The following COL18A1 variants were observed in gnomAD, a reference collection of about 807,000 sequenced individuals.
COL18A1 encodes collagen alpha-1(XVIII) chain.
COL18A1 carries 133 observed loss-of-function variants against 168.0 expected under a neutral mutation model. The observed-to-expected ratio is 0.79, with a 90% CI of 0.69 to 0.91. The LOEUF is 0.91. Ranked by LOEUF, COL18A1 falls within the 40% of genes least tolerant of loss-of-function variation. The pLI, the probability that COL18A1 is intolerant of heterozygous loss-of-function variation, is 0.00. For synonymous variants in COL18A1, 949 were observed against 809.0 expected (o/e 1.17, Z -2.94); for missense variants, 2,126 against 1,925.4 (o/e 1.10, Z -1.95).
In COL18A1 at chr21:45,497,659, C is replaced by T. The variant is rs946508947; in HGVS notation, c.2681C>T (p.Pro894Leu). ...AKGEVGPPGP[P>L]GQFPFDFLQL... The stretch of plus-strand genomic sequence containing the variant: ...GGAGAAGTGGGCCCCCCCGGACCAC[C>T]AGGTGAGCAACTCTGGACATCCCAG... Residue 894 changes from proline to leucine, a missense_variant and splice_region_variant, in exon 32 of 42, where the codon CCA (proline) becomes CTA (leucine). Pro to Leu is a moderately conservative substitution (Grantham distance 98, BLOSUM62 -3). Transcript: ENST00000651438. The T allele has an allele frequency of 7.7e-6, 12 of 1,566,132 alleles. No homozygotes were observed. The highest frequency in any genetic ancestry group is 1.0e-5 in the Non-Finnish European group (12 of 1,155,906).
rs374451476 is a variant in COL18A1, at chr21:45,463,107, A to G, written c.107-5135A>G. Among the ~76,000 whole-genome samples the G allele has an allele frequency of 1.3e-5, 2 of 152,322 alleles. No individual in the cohort carries two copies. Among genetic ancestry groups the G allele is most frequent in the African/African-American group, 4.8e-5 (2 of 41,570 alleles). On this transcript the variant is annotated intron_variant, in intron 2 of 41. Transcript: ENST00000651438. This position sits in a 1 kb window ranked among gnomAD's most constrained non-coding sequence, Gnocchi z 4.0. ...GGAATAAGATAAAAATGAGGGAGAA[A>G]AAACAGTGCCAGCCCTCTAAATCCC... is the stretch of plus-strand genomic sequence containing the variant.
intron 2 of COL18A1, among the ~76,000 whole-genome samples, chr21:45,407,099 G>A (rs949156623): frequency 6.6e-6 from 1 of 152,200 alleles, no homozygotes; most frequent in Admixed American, 6.5e-5. Context: ...CCCCCAGCCC[G>A]GAGAGAACTC....
intron 18 of COL18A1, 53 bp downstream of exon 18, chr21:45,488,497 G>A (rs1043130660): frequency 1.2e-5 from 20 of 1,612,884 alleles, no homozygotes; most frequent in East Asian, 4.5e-5. Flanking sequence ...GCCCTGTCTC[G>A]ACATCTTGGG....
rs781308033 is a variant in COL18A1 at position 45,505,938 on chromosome 21, G to A, written c.3188G>A (p.Arg1063His). ...FVAEQEELYV[R>H]VQNGFRKVQL... ...GCCGAGCAGGAGGAGCTCTACGTCCGCGTGCAGAACGGGTTCCGGAAGGTC... is the reference window on the plus strand; with the variant it reads ...GCCGAGCAGGAGGAGCTCTACGTCCACGTGCAGAACGGGTTCCGGAAGGTC... The change falls in exon 37 of 42, where the codon CGC becomes CAC. Residue 1063 changes from arginine to histidine, a missense_variant. Physicochemically the swap from Arg to His is conservative, Grantham distance 29. Coordinates refer to ENST00000651438, the MANE Select transcript of COL18A1 (RefSeq NM_001379500.1). The A allele has an allele frequency of 2.3e-5, 37 of 1,613,118 alleles. No individual in the cohort carries two copies. Among genetic ancestry groups the A allele is most frequent in the East Asian group, 1.3e-4 (6 of 44,894 alleles).
intron 2 of COL18A1, among the ~76,000 whole-genome samples, chr21:45,435,489 G>A (rs1342224872): frequency 6.6e-6 from 1 of 152,128 alleles, no homozygotes; most frequent in Non-Finnish European, 1.5e-5. Flanking sequence ...CACCAGGAAT[G>A]GGCAGCCCGT....
At chr21:45,428,716 G>A (rs1188570156) in intron 2 of COL18A1, among the ~76,000 whole-genome samples, 1 of 152,128 alleles carries the variant, frequency 6.6e-6, no homozygotes, top group Non-Finnish European at 1.5e-5. Context: ...GCAGTGCGAG[G>A]CCTTTTGTTT....
At chr21:45,456,925 T>C in intron 2 of COL18A1, 1 of 1,377,444 alleles carries the variant, frequency 7.3e-7, no homozygotes, top group Non-Finnish European at 9.5e-7. Flanking sequence ...CTTTTTGCCT[T>C]GCCAGGTAAG....
chr21:45,468,786 G>A lies in COL18A1; in HGVS notation c.651G>A (p.Gln217=). The change falls in exon 3 of 42, where the codon CAG becomes CAA. Residue 217 remains glutamine, a splice_region_variant and synonymous_variant. Transcript: ENST00000651438. ...QAGGADPDKF[Q]GVIAELKVRR... ...GGGGAGCGGACCCTGACAAGTTCCA[G>A]GTAACCCCCACTGTGCCGTCGCTGG... 6.3e-7 allele frequency: 1 copy of A among 1,592,702 alleles called. No homozygotes were observed. Among genetic ancestry groups the A allele is most frequent in the Non-Finnish European group, 8.5e-7 (1 of 1,176,124 alleles).
At chr21:45,465,617 G>C (rs560871104) in intron 2 of COL18A1, among the ~76,000 whole-genome samples, 5 of 152,250 alleles carry the variant, frequency 3.3e-5, no homozygotes, top group African/African-American at 1.2e-4. Context: ...CACTCCATGT[G>C]GGCACGAGCG....
chr21:45,488,709 C>T (rs887446982), intron 18 of COL18A1, among the ~76,000 whole-genome samples: 3 of 152,140 alleles, frequency 2.0e-5, no homozygotes, highest in Non-Finnish European at 4.4e-5. Flanking sequence ...GGTTCACACA[C>T]CTGAAGCATA....
chr21:45,505,033 C>T lies in COL18A1; in HGVS notation c.2869-101C>T, dbSNP rs977094733. The T allele has an allele frequency of 2.6e-5, 38 of 1,470,318 alleles. 2 individuals are homozygous for T. Among genetic ancestry groups the T allele is most frequent in the South Asian group, 1.2e-4 (10 of 83,262 alleles). 91.1% of individuals were successfully genotyped at this position (1,470,318 alleles called of 1,614,324 possible). On this transcript the variant is annotated intron_variant, in intron 34 of 41. Coordinates refer to ENST00000651438, the MANE Select transcript of COL18A1 (RefSeq NM_001379500.1). ...GAGGGGACCGGTGACTCAGAGGCTG[C>T]GCTCGCCAAGGGGGTCTTGGCAGCT...
intron 9 of COL18A1, among the ~76,000 whole-genome samples, chr21:45,479,246 C>G (rs1048065904): frequency 3.3e-5 from 5 of 151,952 alleles, no homozygotes; most frequent in African/African-American, 1.2e-4. Context: ...ATATCACACA[C>G]CACACATTAC....
At chr21:45,419,037 G>A (rs1157360378) in intron 2 of COL18A1, among the ~76,000 whole-genome samples, 4 of 152,368 alleles carry the variant, frequency 2.6e-5, no homozygotes, top group Non-Finnish European at 2.9e-5. Context: ...GGATGGACGC[G>A]AGGACCAGGG....
In COL18A1 at chr21:45,480,051, G is replaced by C; in HGVS notation, c.1312-19G>C. 6 of 1,611,666 alleles carry C rather than the reference G, an allele frequency of 3.7e-6. No homozygotes were observed. Among genetic ancestry groups the C allele is most frequent in the South Asian group, 1.1e-5 (1 of 91,014 alleles). On this transcript the variant is annotated intron_variant, in intron 10 of 41. Transcript: ENST00000651438. ...TGTGTGCGTGCCCAGGGTATGATAG[G>C]CTTGTCTTGTGTTCCCAGGGAGACC...
At position 45,513,635 on chromosome 21, in the gene COL18A1, C is replaced by G. The variant is rs115900328; in HGVS notation, c.*1237C>G. On this transcript the variant is annotated 3_prime_UTR_variant, in exon 42 of 42. Transcript: ENST00000651438. ...CCAACACGCACCTGCCTCAGGACTG[C>G]GACGAAACCGGTGGGGCTGGTTCTG... The G allele has an allele frequency of 1.3e-5, 2 of 152,232 alleles. No homozygotes were observed. Among genetic ancestry groups the G allele is most frequent in the South Asian group, 2.1e-4 (1 of 4,830 alleles). 9.4% of individuals were successfully genotyped at this position (152,232 alleles called of 1,614,324 possible). A position where few individuals can be genotyped will look rare whatever the true frequency, so the allele number is the denominator to read the frequency against.
rs2036606614 is a variant in COL18A1, at chr21:45,498,159, GC to G, written c.2683+499del. The G allele has an allele frequency of 7.5e-6, 5 of 667,118 alleles. No individual in the cohort carries two copies. The highest frequency in any genetic ancestry group is 1.8e-5 in the African/African-American group (1 of 56,206). 41.3% of individuals were successfully genotyped at this position (667,118 alleles called of 1,614,324 possible). A position where few individuals can be genotyped will look rare whatever the true frequency, so the allele number is the denominator to read the frequency against. On this transcript the variant is annotated intron_variant, in intron 32 of 41. Transcript: ENST00000651438. This position sits in a 1 kb window ranked among gnomAD's most constrained non-coding sequence, Gnocchi z 4.5. ...CCCCACCTCCATTGAGGGTGGCAGG[GC>G]TGCTTGGATGTCCTGCCAAGACCAC...
At chr21:45,491,665 C>T (rs567679627) in intron 22 of COL18A1, among the ~76,000 whole-genome samples, 2 of 152,334 alleles carry the variant, frequency 1.3e-5, no homozygotes, top group Admixed American at 6.5e-5. Context: ...GCAGATGCAC[C>T]CTTGGCCCCT....
At position 45,498,565 on chromosome 21, in the gene COL18A1, G is replaced by A. The variant is rs1316136377; in HGVS notation, c.2683+904G>A. The A allele has an allele frequency of 1.4e-6, 1 of 716,708 alleles. No individual in the cohort carries two copies. Among genetic ancestry groups the A allele is most frequent in the Non-Finnish European group, 2.6e-6 (1 of 384,898 alleles). 44.4% of individuals were successfully genotyped at this position (716,708 alleles called of 1,614,324 possible). ...CTGGGGCTGCACTCTGGGGTGGGAA[G>A]GGACCAGGCAGGCAGAGGCCGAGTC... On this transcript the variant is annotated intron_variant, in intron 32 of 41. Transcript: ENST00000651438. The surrounding 1 kb of genome is among the most constrained non-coding windows in gnomAD (Gnocchi z 4.5).
At chr21:45,451,645 G>A (rs1015018449) in intron 2 of COL18A1, among the ~76,000 whole-genome samples, 6 of 152,244 alleles carry the variant, frequency 3.9e-5, no homozygotes, top group African/African-American at 1.4e-4. Flanking sequence ...GCACTCAGCA[G>A]CAGGAGCGCT....
Sources: gnomAD v4.1 joint callset for allele counts (sites outside exome capture counted in the v4.1 genomes callset) on GRCh38, gnomAD v4.1.1 for gene constraint, Gnocchi (gnomAD v3.1) non-coding constraint, MANE v1.5 for transcripts, NCBI Gene and HGNC (gene_info 2026-07-23, HGNC 2026-07-21) for gene names.